The following NR4A1 variants were observed in gnomAD, a reference collection of about 807,000 sequenced individuals.
NR4A1 encodes nuclear receptor subfamily 4immunitygroup A member 1.
In NR4A1, 24 loss-of-function variants were observed where a neutral mutation model predicts 47.5. The observed-to-expected ratio is 0.50, with a 90% CI of 0.37 to 0.71. The LOEUF is 0.71. Among genes scored for constraint, NR4A1 ranks in the 30% least tolerant of loss-of-function variants. The probability of loss-of-function intolerance (pLI) is 0.00; values close to 1 mark genes in which losing one functional copy is unlikely to be tolerated. For missense variants in NR4A1, 669 were observed against 788.6 expected (o/e 0.85, Z 1.82); for synonymous variants, 353 against 345.7 (o/e 1.02, Z -0.24).
intron 1 of NR4A1, 75 bp from the exon 2 acceptor site, chr12:52,054,252 A>AC (rs1396091331): frequency 7.5e-6 from 10 of 1,332,182 alleles, no homozygotes; most frequent in Middle Eastern, 1.9e-4. Flanking sequence ...TCTGGGGCCC[A>AC]AATACTTTGA....
intron 2 of NR4A1, 150 bp downstream of exon 2, chr12:52,055,354 C>G: frequency 1.0e-6 from 1 of 970,504 alleles, no homozygotes; most frequent in Non-Finnish European, 1.5e-6. Context: ...GGCCGCCTTC[C>G]TGGAGACCCG....
rs750731754 is a variant in NR4A1, at chr12:52,043,199, G to C, written c.37+1270G>C. ...AGACAGGGAGAGGAATTACTGTAAGGGGGAGAGGCAGGTGTTCTCTGGTCA... is the reference window on the plus strand; with the variant it reads ...AGACAGGGAGAGGAATTACTGTAAGCGGGAGAGGCAGGTGTTCTCTGGTCA... On this transcript the variant is annotated intron_variant, in intron 2 of 7. Transcript: ENST00000360284. Among the ~76,000 whole-genome samples the C allele has an allele frequency of 2.6e-3, 397 of 152,272 alleles. 4 individuals carry two copies. The highest frequency in any genetic ancestry group is 3.0e-3 in the Non-Finnish European group (206 of 68,018).
Position 52,056,487 on chromosome 12 carries a change from T to G in NR4A1, c.1007-7T>G. The G allele has an allele frequency of 6.2e-7, 1 of 1,612,514 alleles. No individual in the cohort carries two copies. The highest frequency in any genetic ancestry group is 1.7e-4 in the Middle Eastern group (1 of 5,878). On this transcript the variant is annotated splice_region_variant and splice_polypyrimidine_tract_variant and intron_variant, in intron 3 of 6. Transcript: ENST00000394825. ...TTCCTTCCTCACCCCTACCCATTCC[T>G]TTGCAGTTGTCCGAACAGACAGCCT... is the stretch of plus-strand genomic sequence containing the variant.
chr12:52,028,641 C>G (rs1287357484), intron 1 of NR4A1, among the ~76,000 whole-genome samples: 1 of 152,054 alleles, frequency 6.6e-6, no homozygotes, highest in Non-Finnish European at 1.5e-5. Context: ...CGCGGTAGCT[C>G]ATGCCTGTAA....
At chr12:52,048,139 A>G (rs1204948634), upstream of NR4A1, among the ~76,000 whole-genome samples, 1 of 150,400 alleles carries the variant, frequency 6.6e-6, no homozygotes, top group Non-Finnish European at 1.5e-5. Context: ...GGGCGACAGC[A>G]CCATCTCAAA....
At position 52,059,156 on chromosome 12, in the gene NR4A1, C is replaced by T. The variant is rs895409781; in HGVS notation, c.*212C>T. ...GACCCCACGATTTGTCTTATCCCCCCCAGCCTGGCCCCGGCCTTTATGTTT... is the reference window on the plus strand; with the variant it reads ...GACCCCACGATTTGTCTTATCCCCCTCAGCCTGGCCCCGGCCTTTATGTTT... On this transcript the variant is annotated 3_prime_UTR_variant, in exon 7 of 7. Coordinates refer to ENST00000394825, the MANE Select transcript of NR4A1 (RefSeq NM_173157.3). 1.6e-6 allele frequency: 1 copy of T among 612,946 alleles called. No homozygotes were observed. The highest frequency in any genetic ancestry group is 2.8e-6 in the Non-Finnish European group (1 of 360,334). 38.0% of individuals were successfully genotyped at this position (612,946 alleles called of 1,614,324 possible).
intron 3 of NR4A1, 124 bp from the exon 4 acceptor site, chr12:52,056,370 G>A (rs1939272287): frequency 1.4e-6 from 2 of 1,436,530 alleles, no homozygotes; most frequent in South Asian, 1.3e-5. Context: ...GGGTACCTTG[G>A]ATCTCAGGGA....
intron 3 of NR4A1, 145 bp downstream of exon 3, chr12:52,056,304 G>A: frequency 7.2e-7 from 1 of 1,388,312 alleles, no homozygotes; most frequent in Admixed American, 2.4e-5. Flanking sequence ...GCCTTGGAGG[G>A]AGGCAGCCTA....
intron 1 of NR4A1, among the ~76,000 whole-genome samples, chr12:52,028,419 C>T (rs1025428078): frequency 2.0e-5 from 3 of 151,678 alleles, no homozygotes; most frequent in Non-Finnish European, 4.4e-5. Flanking sequence ...ACTAAAAATA[C>T]AAAAATTAGC....
At chr12:52,041,979 G>A (rs747373932) in intron 2 of NR4A1, 2 of 1,281,804 alleles carry the variant, frequency 1.6e-6, no homozygotes, top group Admixed American at 3.6e-5. Flanking sequence ...AGGTGGGGTT[G>A]GGGGGCAGAG....
chr12:52,056,812 C>A, intron 4 of NR4A1, 167 bp downstream of exon 4: 1 of 908,872 alleles, frequency 1.1e-6, no homozygotes, highest in Non-Finnish European at 1.6e-6. Flanking sequence ...AAGAGAGGAT[C>A]CCCCTCTCGG....
At chr12:52,025,161 G>A (rs2120898568) in intron 1 of NR4A1, among the ~76,000 whole-genome samples, 1 of 151,116 alleles carries the variant, frequency 6.6e-6, no homozygotes. Context: ...CCGGGTTCAA[G>A]TGATTCTCCT....
At chr12:52,055,407 GC>G in intron 2 of NR4A1, 1 of 664,286 alleles carries the variant, frequency 1.5e-6, no homozygotes, top group Non-Finnish European at 2.6e-6. Flanking sequence ...GGACACTCGG[GC>G]CCATGGGATT....
chr12:52,036,756 C>A (rs534878042), intron 1 of NR4A1, among the ~76,000 whole-genome samples: 210 of 152,370 alleles, frequency 1.4e-3, no homozygotes, highest in Non-Finnish European at 1.2e-3. Context: ...AGGGCGCCCG[C>A]AGACTCAAAG....
At position 52,058,699 on chromosome 12, in the gene NR4A1, C is replaced by A; in HGVS notation, c.1552C>A (p.Leu518Met). The A allele has an allele frequency of 1.9e-6, 3 of 1,606,022 alleles. No homozygotes were observed. Among genetic ancestry groups the A allele is most frequent in the Non-Finnish European group, 2.5e-6 (3 of 1,176,790 alleles). ...ALVLITDRHGLQEPRRVEELQ... is the reference protein window; with the variant it reads ...ALVLITDRHGMQEPRRVEELQ... ...TACCCTTCCCGCAGACCGGCATGGG[C>A]TGCAGGAGCCGCGGCGGGTGGAGGA... Residue 518 changes from leucine to methionine, a missense_variant, in exon 7 of 7, where the codon CTG becomes ATG. By Grantham distance (15) the Leu-to-Met change is conservative. Transcript: ENST00000394825.
rs202025192 is a variant in NR4A1, at chr12:52,057,161, G to A, written c.1263G>A (p.Ala421=). The part of the protein sequence containing the change: ...SGSLEVIRKW[A]EKIPGFAELS... ...CTCTGGAGGTCATCCGCAAGTGGGC[G>A]GAGAAGATCCCTGGCTTTGCTGAGC... The change falls in exon 5 of 7, where the codon GCG becomes GCA. Residue 421 remains alanine, a synonymous_variant. Transcript: ENST00000394825. 4.7e-5 allele frequency: 76 copies of A among 1,614,068 alleles called. 1 individual carries two copies. In the Admixed American group the frequency reaches 6.7e-4, roughly 14 times the overall value.
At chr12:52,034,685 A>C (rs992700172) in intron 1 of NR4A1, among the ~76,000 whole-genome samples, 4 of 152,216 alleles carry the variant, frequency 2.6e-5, no homozygotes, top group Non-Finnish European at 5.9e-5. Context: ...TGGATCAGGG[A>C]GACAACAACA....
rs748433218 is a variant in NR4A1, at chr12:52,056,550, C to T, written c.1063C>T (p.Gln355Ter). Residue 355 changes from glutamine to a stop codon, truncating the protein, a stop_gained, in exon 4 of 7, where the codon CAG becomes TAG. Coordinates refer to ENST00000394825, the MANE Select transcript of NR4A1 (RefSeq NM_173157.3). LOFTEE classifies it high-confidence loss of function. ...RRGRLPSKPK[Q>*]PPDASPANLL... ...GGGCCGGCTACCTTCAAAACCCAAG[C>T]AGCCCCCAGATGCCTCCCCTGCCAA... is the stretch of plus-strand genomic sequence containing the variant. The T allele has an allele frequency of 6.2e-7, 1 of 1,613,680 alleles. No homozygotes were observed. Among genetic ancestry groups the T allele is most frequent in the South Asian group, 1.1e-5 (1 of 91,036 alleles).
chr12:52,037,566 C>CGG lies in NR4A1; in HGVS notation c.-83-4236_-83-4235dup, dbSNP rs144600069. On this transcript the variant is annotated intron_variant, in intron 1 of 7. Coordinates refer to the NR4A1 transcript ENST00000360284. Reference sequence around the variant, plus strand: ...GAGTCCCGCTTGGAAACTGGGGAGTCGGGGGGGGGACTGGATTCCCAGCGG... The same window carrying CGG: ...GAGTCCCGCTTGGAAACTGGGGAGTCGGGGGGGGGGGACTGGATTCCCAGCGG... The CGG allele has an allele frequency of 3.9e-4, 356 of 921,884 alleles. No homozygotes were observed. The African/African-American group carries it at 4.5e-3, about 12-fold the overall frequency. 57.1% of individuals were successfully genotyped at this position (921,884 alleles called of 1,614,324 possible).
Sources: allele counts gnomAD v4.1 joint callset (sites outside exome capture counted in the v4.1 genomes callset), GRCh38; gene constraint gnomAD v4.1.1; transcripts MANE v1.5; gene names NCBI Gene and HGNC (gene_info 2026-07-23, HGNC 2026-07-21).